The following ZNF335 variants were observed in gnomAD, a reference collection of about 807,000 sequenced individuals.
ZNF335 encodes the protein zinc finger protein 335.
A neutral mutation model predicts 145.6 loss-of-function variants in ZNF335; 84 were observed. That is an observed-to-expected ratio of 0.58 (90% CI 0.48 to 0.69). ZNF335 has a LOEUF of 0.69. ZNF335 is among the 30% of genes least tolerant of loss of function. ZNF335 has a pLI of 0.00. For missense variants in ZNF335, 1,865 were observed against 1,809.7 expected, an observed-to-expected ratio of 1.03 and a Z score of -0.55; for synonymous variants, 761 against 717.0, an observed-to-expected ratio of 1.06 and a Z score of -0.98.
intron 14 of ZNF335, 78 bp downstream of exon 14, chr20:45,960,130 G>C (rs1430587253): frequency 6.5e-7 from 1 of 1,530,722 alleles, no homozygotes; most frequent in Non-Finnish European, 8.9e-7. Flanking sequence ...GGAAGGAAGA[G>C]GATGGGAGCT....
At chr20:45,968,177 G>A (rs772678707) in intron 4 of ZNF335, 108 bp downstream of exon 4, 2 of 1,493,800 alleles carry the variant, frequency 1.3e-6, no homozygotes, top group Non-Finnish European at 1.8e-6. Context: ...GAGACCCAGA[G>A]CAGTGGATAC....
In ZNF335 at chr20:45,952,582, C is replaced by T. The variant is rs367569736; in HGVS notation, c.2814+16G>A. On this transcript the variant is annotated intron_variant, in intron 19 of 27. Transcript: ENST00000322927. ...GGGAGGGAGGTGGGGGAGTGGTTGG[C>T]ATCCCCAAGCCTCACCTCAATGTGG... The T allele has an allele frequency of 1.5e-5, 25 of 1,612,990 alleles. No individual in the cohort carries two copies. Among genetic ancestry groups the T allele is most frequent in the South Asian group, 6.6e-5 (6 of 90,992 alleles).
chr20:45,963,281 C>T (rs2083884885), intron 9 of ZNF335, among the ~76,000 whole-genome samples, 192 bp downstream of exon 9: 1 of 152,226 alleles, frequency 6.6e-6, no homozygotes, highest in Admixed American at 6.5e-5. Context: ...CCAGCCCCTC[C>T]CCACATTCCC....
rs759870717 is a variant in ZNF335 at position 45,952,535 on chromosome 20, G to C, written c.2815-14C>G. 6.2e-7 allele frequency: 1 copy of C among 1,600,442 alleles called. No homozygotes were observed. Among genetic ancestry groups the C allele is most frequent in the South Asian group, 1.1e-5 (1 of 89,462 alleles). ...ATCTGCGGTGAGCTGTAGAGAGACA[G>C]GGAGCATGAGGTACTGAGAAGGGGA... On this transcript the variant is annotated splice_polypyrimidine_tract_variant and intron_variant, in intron 19 of 27. Transcript: ENST00000322927.
intron 9 of ZNF335, among the ~76,000 whole-genome samples, chr20:45,962,695 C>T (rs962236257): frequency 6.6e-5 from 10 of 152,044 alleles, no homozygotes; most frequent in Admixed American, 4.6e-4. Flanking sequence ...TGGACACCTA[C>T]GACCTCATTG....
chr20:45,971,986 A>T, intron 1 of ZNF335, 136 bp downstream of exon 1: 1 of 1,172,210 alleles, frequency 8.5e-7, no homozygotes, highest in South Asian at 1.6e-5. Flanking sequence ...TGCGAGAGCG[A>T]CTAAAGGGCC....
At chr20:45,949,430 G>A (rs866581432) in intron 25 of ZNF335, 32 bp from the exon 26 acceptor site, 2 of 1,614,028 alleles carry the variant, frequency 1.2e-6, no homozygotes, top group Non-Finnish European at 8.5e-7. Flanking sequence ...GTGATCCTAG[G>A]GAGAGGTCAT....
In ZNF335 at chr20:45,949,120, A is replaced by G. The variant is rs199546916; in HGVS notation, c.3902-40T>C. On this transcript the variant is annotated intron_variant, in intron 27 of 27. Coordinates refer to ENST00000322927, the MANE Select transcript of ZNF335 (RefSeq NM_022095.4). ...GAAAGTATGGTGAGCTGGAGGCTCA[A>G]GAGCTGGGTCCATACCCAGCCCCAT... is the stretch of plus-strand genomic sequence containing the variant. The G allele has an allele frequency of 8.1e-6, 13 of 1,613,396 alleles. No individual in the cohort carries two copies. The Admixed American group carries it at 1.0e-4, about 12-fold the overall frequency.
At chr20:45,965,072 A>ATAATAATAATAAT (rs571770957) in intron 7 of ZNF335, among the ~76,000 whole-genome samples, 5 of 135,628 alleles carry the variant, frequency 3.7e-5, no homozygotes, top group African/African-American at 1.1e-4. Flanking sequence ...ATAATAATAC[A>ATAATAATAATAAT]ACAACTCTCC....
At chr20:45,949,444 G>C in intron 25 of ZNF335, 41 bp downstream of exon 25, 1 of 1,613,974 alleles carries the variant, frequency 6.2e-7, no homozygotes, top group South Asian at 1.1e-5. Context: ...AGGTCATGCA[G>C]CCCTTCACCA....
Position 45,953,825 on chromosome 20 carries a change from C to T in ZNF335, c.2566G>A (p.Ala856Thr). 1 of 1,614,084 alleles carries T rather than the reference C, an allele frequency of 6.2e-7. No individual in the cohort carries two copies. The highest frequency in any genetic ancestry group is 8.5e-7 in the Non-Finnish European group (1 of 1,180,040). ...GGAGGGCCTAGCTGGCTCTCGGCTG[C>T]TGCACCGCCCCCTGGCTCTGCCACG... ...LHVAEPGGGA[A>T]AESQLGPPDL... The change falls in exon 18 of 28, where the codon GCA (alanine) becomes ACA (threonine). Residue 856 changes from alanine to threonine, a missense_variant. Coordinates refer to ENST00000322927, the MANE Select transcript of ZNF335 (RefSeq NM_022095.4).
At chr20:45,951,246 A>G (rs1233645186) in intron 20 of ZNF335, among the ~76,000 whole-genome samples, 1 of 152,188 alleles carries the variant, frequency 6.6e-6, no homozygotes, top group Non-Finnish European at 1.5e-5. Flanking sequence ...TCTGCACTGT[A>G]GGGTGGGGCT....
chr20:45,958,370 G>A (rs1257579250), intron 15 of ZNF335, among the ~76,000 whole-genome samples: 2 of 152,138 alleles, frequency 1.3e-5, no homozygotes, highest in Non-Finnish European at 2.9e-5. Flanking sequence ...CAAAATATAC[G>A]AGCTCAGTGC....
intron 24 of ZNF335, 38 bp downstream of exon 24, chr20:45,949,762 G>A (rs764377204): frequency 5.0e-6 from 8 of 1,610,526 alleles, no homozygotes; most frequent in South Asian, 2.2e-5. Flanking sequence ...AGGGTAGGAG[G>A]TCACAGCTGA....
At position 45,949,851 on chromosome 20, in the gene ZNF335, G is replaced by C; in HGVS notation, c.3618C>G (p.Ile1206Met). 1.2e-6 allele frequency: 2 copies of C among 1,614,150 alleles called. No individual in the cohort carries two copies. Among genetic ancestry groups the C allele is most frequent in the Non-Finnish European group, 1.7e-6 (2 of 1,180,020 alleles). The change falls in exon 24 of 28, where the codon ATC (isoleucine) becomes ATG (methionine). Residue 1206 changes from isoleucine (I) to methionine (M), a missense_variant. Ile to Met is a conservative substitution (Grantham distance 10). Transcript: ENST00000322927. ...GTACGGTCTGGCCATCTGCCGTGGT[G>C]ATCTCTTGGATGTAGGCGGCTTCCT... ...NQEEAAYIQE[I>M]TTADGQTVQH... is the part of the protein sequence containing the mutation.
intron 17 of ZNF335, among the ~76,000 whole-genome samples, 158 bp from the exon 18 acceptor site, chr20:45,954,106 A>G (rs569764554): frequency 1.3e-5 from 2 of 152,332 alleles, no homozygotes; most frequent in South Asian, 2.1e-4. Context: ...TTTCTAAAAT[A>G]TACTCTGGCT....
chr20:45,960,958 C>T (rs1568818947), intron 10 of ZNF335, 76 bp from the exon 11 acceptor site: 1 of 1,586,552 alleles, frequency 6.3e-7, no homozygotes, highest in Non-Finnish European at 8.6e-7. Context: ...TGAACAGACC[C>T]AGCCTCAGCT....
chr20:45,962,476 G>C (rs1443829427), intron 9 of ZNF335, among the ~76,000 whole-genome samples: 1 of 152,240 alleles, frequency 6.6e-6, no homozygotes, highest in African/African-American at 2.4e-5. Context: ...GCTGAAGCCA[G>C]GCAGCATGGC....
At chr20:45,960,759 T>G in intron 11 of ZNF335, 27 bp from the exon 12 acceptor site, 1 of 1,612,678 alleles carries the variant, frequency 6.2e-7, no homozygotes, top group Non-Finnish European at 8.5e-7. Flanking sequence ...AGGGGCCAGA[T>G]GGAGAAAGAA....
Sources: gnomAD v4.1 joint callset for allele counts (sites outside exome capture counted in the v4.1 genomes callset) on GRCh38, gnomAD v4.1.1 for gene constraint, MANE v1.5 for transcripts, NCBI Gene and HGNC (gene_info 2026-07-23, HGNC 2026-07-21) for gene names.